The following TMEM132C variants were observed in gnomAD, a reference collection of about 807,000 sequenced individuals.
The protein encoded by TMEM132C is protein phosphatase 1, regulatory subunit 152.
In TMEM132C, 29 loss-of-function variants were observed where a neutral mutation model predicts 61.4. That is an observed-to-expected ratio of 0.47 (90% CI 0.35 to 0.64). The LOEUF (loss-of-function observed/expected upper bound fraction) is 0.64. Ranked by LOEUF, TMEM132C falls within the 30% of genes least tolerant of loss-of-function variation. TMEM132C has a pLI of 0.00. For missense variants in TMEM132C, 1,408 were observed against 1,476.9 expected (o/e 0.95, Z 0.76); for synonymous variants, 656 against 633.1 (o/e 1.04, Z -0.54).
At chr12:128,418,552 A>C (rs1161830612) in intron 2 of TMEM132C, among the ~76,000 whole-genome samples, 1 of 152,186 alleles carries the variant, frequency 6.6e-6, no homozygotes, top group African/African-American at 2.4e-5. Flanking sequence ...TTAACGTTTT[A>C]TGTTTTTAAA....
chr12:128,578,448 T>C (rs559964903), intron 3 of TMEM132C, among the ~76,000 whole-genome samples: 46 of 152,318 alleles, frequency 3.0e-4, no homozygotes, highest in African/African-American at 1.0e-3. Context: ...TAACACCCTT[T>C]TACTTGAGTA....
intron 5 of TMEM132C, among the ~76,000 whole-genome samples, chr12:128,691,688 C>T (rs962157132): frequency 1.6e-4 from 24 of 152,208 alleles, no homozygotes; most frequent in Admixed American, 1.6e-3. Context: ...TGTGTCTGTC[C>T]ATCAGTGTGT....
chr12:128,478,138 T>C (rs1410453482), intron 2 of TMEM132C, among the ~76,000 whole-genome samples: 4 of 152,200 alleles, frequency 2.6e-5, no homozygotes, highest in Non-Finnish European at 5.9e-5. Context: ...AGCATCTCTA[T>C]TGGAAAAAAG....
At chr12:128,270,864 C>T (rs1045575674) in intron 1 of TMEM132C, among the ~76,000 whole-genome samples, 1 of 152,164 alleles carries the variant, frequency 6.6e-6, no homozygotes, top group African/African-American at 2.4e-5. Context: ...CTTCTATACC[C>T]AAATTTCTTT....
At chr12:128,394,622 TG>T (rs1874879451) in intron 1 of TMEM132C, among the ~76,000 whole-genome samples, 1 of 152,238 alleles carries the variant, frequency 6.6e-6, no homozygotes, top group African/African-American at 2.4e-5. Flanking sequence ...TAAGAGATGT[TG>T]GATGCTCGTA....
intron 2 of TMEM132C, among the ~76,000 whole-genome samples, chr12:128,456,098 G>C (rs1009855512): frequency 1.3e-5 from 2 of 152,076 alleles, no homozygotes; most frequent in African/African-American, 4.8e-5. Context: ...GGAGAGAGGA[G>C]GACGTTGATT....
At chr12:128,438,968 C>T (rs1479330976) in intron 2 of TMEM132C, 1 of 152,150 alleles carries the variant, frequency 6.6e-6, no homozygotes, top group African/African-American at 2.4e-5. Context: ...TAGGAGTGCC[C>T]CTCATTCAGT....
In TMEM132C at chr12:128,598,787, G is replaced by A. The variant is rs1876061107; in HGVS notation, c.1122-17365G>A. On this transcript the variant is annotated intron_variant, in intron 3 of 8. Coordinates refer to ENST00000435159, the MANE Select transcript of TMEM132C (RefSeq NM_001136103.3). ...AGGCTTTCTTCATATCATAGCCCTC[G>A]CCACATTTTACTGTAATGCTGGGAC... Among the ~76,000 whole-genome samples, 9 of 134,324 alleles carry A rather than the reference G, an allele frequency of 6.7e-5. No homozygotes were observed. In the South Asian group the frequency reaches 2.0e-3, roughly 30 times the overall value. 88.1% of individuals were successfully genotyped at this position (134,324 alleles called of 152,430 possible). A position where few individuals can be genotyped will look rare whatever the true frequency, so the allele number is the denominator to read the frequency against.
intron 2 of TMEM132C, among the ~76,000 whole-genome samples, chr12:128,440,089 C>G (rs1272164380): frequency 6.6e-5 from 10 of 152,186 alleles, no homozygotes; most frequent in Non-Finnish European, 1.3e-4. Flanking sequence ...CTCTGATATC[C>G]TTATGAATAA....
At chr12:128,596,462 T>TAAAGAA (rs1359387139) in intron 3 of TMEM132C, among the ~76,000 whole-genome samples, 1 of 150,366 alleles carries the variant, frequency 6.7e-6, no homozygotes, top group African/African-American at 2.5e-5. Flanking sequence ...TGGCAGGGCT[T>TAAAGAA]CACTGATCCC....
intron 2 of TMEM132C, among the ~76,000 whole-genome samples, chr12:128,507,649 A>T (rs1343891445): frequency 6.6e-6 from 1 of 152,100 alleles, no homozygotes; most frequent in Admixed American, 6.5e-5. Flanking sequence ...CTCAGCCAGC[A>T]ATCCTGAGTC....
intron 1 of TMEM132C, among the ~76,000 whole-genome samples, chr12:128,365,873 C>G (rs1384326881): frequency 6.6e-6 from 1 of 152,098 alleles, no homozygotes. Context: ...GATTGTGTGC[C>G]GAGGAGCCCT....
At chr12:128,560,520 A>G (rs961658374) in intron 3 of TMEM132C, among the ~76,000 whole-genome samples, 1 of 152,186 alleles carries the variant, frequency 6.6e-6, no homozygotes, top group African/African-American at 2.4e-5. Context: ...TCTAATTTCT[A>G]CATCTTAGCT....
At chr12:128,332,742 G>A (rs1374623103) in intron 1 of TMEM132C, among the ~76,000 whole-genome samples, 1 of 152,216 alleles carries the variant, frequency 6.6e-6, no homozygotes, top group African/African-American at 2.4e-5. Flanking sequence ...GACCTGAGTG[G>A]GTGTCCCAGA....
chr12:128,442,952 G>A (rs138971448), intron 2 of TMEM132C, among the ~76,000 whole-genome samples: 2 of 152,198 alleles, frequency 1.3e-5, no homozygotes, highest in Admixed American at 1.3e-4. Flanking sequence ...TGATATTTTT[G>A]AATGAATAAA....
At chr12:128,695,146 C>G (rs974385034) in intron 6 of TMEM132C, among the ~76,000 whole-genome samples, 1 of 152,180 alleles carries the variant, frequency 6.6e-6, no homozygotes, top group African/African-American at 2.4e-5. Context: ...ATGGTGGTCA[C>G]TAGCACAAGT....
chr12:128,633,413 T>C (rs1207992942), intron 4 of TMEM132C, among the ~76,000 whole-genome samples: 1 of 152,156 alleles, frequency 6.6e-6, no homozygotes, highest in Non-Finnish European at 1.5e-5. Flanking sequence ...TTTGCCTTTT[T>C]TGCTCACAGT....
chr12:128,620,287 C>T (rs1172991148), intron 4 of TMEM132C, among the ~76,000 whole-genome samples: 3 of 150,610 alleles, frequency 2.0e-5, no homozygotes, highest in Non-Finnish European at 4.4e-5. Flanking sequence ...CATTCAACCT[C>T]ACACTAAGCT....
Position 128,706,233 on chromosome 12 carries a change from G to T in TMEM132C, c.3265G>T (p.Val1089Leu), listed in dbSNP as rs375099976. Residue 1089 changes from valine (V) to leucine (L), a missense_variant, in exon 9 of 9, where the codon GTG (valine) becomes TTG (leucine). Physicochemically the swap from Val to Leu is conservative, Grantham distance 32. Transcript: ENST00000435159. ...GGACATCAAATGGGTGTGTCAAGAC[G>T]TGGCTGTGGGTGCCCCCAAGGAACT... Reference protein sequence around the residue: ...DEDIKWVCQDVAVGAPKELRN... With the variant: ...DEDIKWVCQDLAVGAPKELRN... The T allele has an allele frequency of 5.8e-6, 9 of 1,551,432 alleles. No homozygotes were observed. Among genetic ancestry groups the T allele is most frequent in the Middle Eastern group, 1.7e-4 (1 of 6,014 alleles).
Sources: gnomAD v4.1 joint callset for allele counts (sites outside exome capture counted in the v4.1 genomes callset) on GRCh38, gnomAD v4.1.1 for gene constraint, MANE v1.5 for transcripts, NCBI Gene and HGNC (gene_info 2026-07-23, HGNC 2026-07-21) for gene names.